Variants in RORA observed in about 807,000 individuals in gnomAD.
RORA encodes nuclear receptor ROR-alpha.
In RORA, 7 loss-of-function variants were observed where a neutral mutation model predicts 69.5. The ratio of observed to expected loss-of-function variants is 0.10; its 90% CI spans 0.06 to 0.19. RORA has a LOEUF of 0.19. Among genes scored for constraint, RORA ranks in the 10% least tolerant of loss-of-function variants. RORA has a pLI of 1.00. For synonymous variants in RORA, 261 were observed against 240.8 expected (o/e 1.08, Z -0.78); for missense variants, 457 against 663.0 (o/e 0.69, Z 3.41).
intron 1 of RORA, among the ~76,000 whole-genome samples, chr15:60,767,305 A>G (rs968275376): frequency 6.6e-6 from 1 of 152,176 alleles, no homozygotes; most frequent in South Asian, 2.1e-4. Flanking sequence ...GTGGTCCATG[A>G]TAAGGACACA....
At chr15:60,919,940 T>C (rs1328031764) in intron 1 of RORA, among the ~76,000 whole-genome samples, 1 of 152,158 alleles carries the variant, frequency 6.6e-6, no homozygotes, top group East Asian at 1.9e-4. Flanking sequence ...TGTTCAACCA[T>C]GCAGGAAATA....
intron 2 of RORA, among the ~76,000 whole-genome samples, chr15:60,569,586 G>T (rs1337106579): frequency 6.6e-6 from 1 of 152,142 alleles, no homozygotes. Context: ...TGGTTAAAAG[G>T]GGGAAACAGG....
intron 1 of RORA, among the ~76,000 whole-genome samples, chr15:61,003,988 T>C (rs1242606331): frequency 2.0e-5 from 3 of 146,442 alleles, no homozygotes. Flanking sequence ...AGAAATCTTT[T>C]TTCATGGCCC....
At chr15:60,780,412 A>G (rs904319868) in intron 1 of RORA, among the ~76,000 whole-genome samples, 1 of 152,230 alleles carries the variant, frequency 6.6e-6, no homozygotes, top group African/African-American at 2.4e-5. Flanking sequence ...CATGTAAGAT[A>G]CATGACCTGT....
At chr15:60,733,722 A>G (rs1477228326) in intron 1 of RORA, among the ~76,000 whole-genome samples, 2 of 152,130 alleles carry the variant, frequency 1.3e-5, no homozygotes, top group African/African-American at 2.4e-5. Flanking sequence ...AATCCATCAG[A>G]AGGAGGTATG....
chr15:60,990,201 G>A (rs182625209), intron 1 of RORA, among the ~76,000 whole-genome samples: 8 of 152,286 alleles, frequency 5.3e-5, no homozygotes, highest in Admixed American at 4.6e-4. Flanking sequence ...CACTGTTTAT[G>A]TACTCAGAGG....
intron 1 of RORA, among the ~76,000 whole-genome samples, chr15:61,026,647 T>C (rs1895830649): frequency 6.6e-6 from 1 of 152,230 alleles, no homozygotes; most frequent in South Asian, 2.1e-4. Flanking sequence ...TCACCAATTC[T>C]ATTTCACAAC....
chr15:60,887,141 TGAGAGAGAGA>T (rs3053903), intron 1 of RORA, among the ~76,000 whole-genome samples: 1 of 147,908 alleles, frequency 6.8e-6, no homozygotes, highest in Non-Finnish European at 1.5e-5. Flanking sequence ...TTGCCAGAGC[TGAGAGAGAGA>T]GAGAGAGAGA....
At chr15:60,815,844 C>T (rs2072802731) in intron 1 of RORA, among the ~76,000 whole-genome samples, 1 of 147,234 alleles carries the variant, frequency 6.8e-6, no homozygotes, top group African/African-American at 2.5e-5. Context: ...TATATTTACA[C>T]TATTTATATA....
At chr15:60,919,300 G>A (rs1891970382) in intron 1 of RORA, among the ~76,000 whole-genome samples, 1 of 152,196 alleles carries the variant, frequency 6.6e-6, no homozygotes, top group South Asian at 2.1e-4. Flanking sequence ...TAGAACTGCA[G>A]GAGACCCCTC....
At chr15:60,733,636 G>C (rs1187711272) in intron 1 of RORA, among the ~76,000 whole-genome samples, 1 of 152,164 alleles carries the variant, frequency 6.6e-6, no homozygotes, top group Non-Finnish European at 1.5e-5. Flanking sequence ...CATAAAAGGG[G>C]ATGGCAGAGA....
intron 2 of RORA, among the ~76,000 whole-genome samples, chr15:60,669,051 G>C (rs1023383648): frequency 1.3e-5 from 2 of 152,190 alleles, no homozygotes; most frequent in Non-Finnish European, 2.9e-5. Flanking sequence ...GAGTTTAAAA[G>C]GGTTGGAAAG....
intron 1 of RORA, among the ~76,000 whole-genome samples, chr15:60,727,501 C>T (rs1402220624): frequency 6.6e-6 from 1 of 152,160 alleles, no homozygotes; most frequent in African/African-American, 2.4e-5. Flanking sequence ...TCGCTGACAG[C>T]TGATCCCTTA....
chr15:60,627,231 C>T, intron 2 of RORA: 2 of 1,614,020 alleles, frequency 1.2e-6, no homozygotes, highest in Non-Finnish European at 8.5e-7. Context: ...CTCTCAGTGG[C>T]TCTTACCTTC....
intron 1 of RORA, among the ~76,000 whole-genome samples, chr15:60,944,380 T>C (rs1892799038): frequency 6.6e-6 from 1 of 152,042 alleles, no homozygotes; most frequent in Non-Finnish European, 1.5e-5. Flanking sequence ...ACTGCCTTAA[T>C]GGGTGGAGTT....
intron 1 of RORA, among the ~76,000 whole-genome samples, chr15:60,933,496 A>G (rs1274077644): frequency 6.6e-6 from 1 of 152,150 alleles, no homozygotes; most frequent in Non-Finnish European, 1.5e-5. Flanking sequence ...TTCTCTTGTG[A>G]AGCCCCCTTG....
At chr15:60,877,017 C>T (rs1032028751) in intron 1 of RORA, among the ~76,000 whole-genome samples, 4 of 152,168 alleles carry the variant, frequency 2.6e-5, no homozygotes, top group Admixed American at 2.0e-4. Flanking sequence ...GGGCTTAATA[C>T]TTGGGTGATG....
intron 1 of RORA, among the ~76,000 whole-genome samples, chr15:61,055,245 AATTT>A (rs2078079156): frequency 6.6e-6 from 1 of 151,956 alleles, no homozygotes; most frequent in Non-Finnish European, 1.5e-5. Flanking sequence ...TAAAAATTCG[AATTT>A]ATTTTTTGGT....
At chr15:60,993,479 G>T (rs1209946879) in intron 1 of RORA, among the ~76,000 whole-genome samples, 1 of 151,674 alleles carries the variant, frequency 6.6e-6, no homozygotes, top group African/African-American at 2.4e-5. Flanking sequence ...TCTCTACTAA[G>T]AATACAAAAA....
Sources: allele counts gnomAD v4.1 joint callset (sites outside exome capture counted in the v4.1 genomes callset), GRCh38; gene constraint gnomAD v4.1.1; transcripts MANE v1.5; gene names NCBI Gene and HGNC (gene_info 2026-07-23, HGNC 2026-07-21).